ZNF121: variants seen among roughly 807,000 people sequenced by gnomAD.
The protein encoded by ZNF121 is zinc finger protein 121 (clone ZHC32).
Under a neutral mutation model 2.4 loss-of-function variants are expected in ZNF121, and 1 was observed. That is an observed-to-expected ratio of 0.41 (90% CI 0.15 to 1.94). The LOEUF is 1.94. Ranked by LOEUF, ZNF121 falls within the 30% of genes most tolerant of loss-of-function variation. The pLI is 0.30. For missense variants in ZNF121, 369 were observed against 466.3 expected, an observed-to-expected ratio of 0.79 and a Z score of 1.92; for synonymous variants, 173 against 158.6, an observed-to-expected ratio of 1.09 and a Z score of -0.68.
intron 1 of ZNF121, among the ~76,000 whole-genome samples, chr19:9,582,232 T>A (rs995280813): frequency 1.3e-5 from 2 of 152,166 alleles, no homozygotes; most frequent in African/African-American, 4.8e-5. Flanking sequence ...AGCCAAGCCA[T>A]CAGACTCCCT....
At chr19:9,578,364 A>G (rs1258499348) in intron 1 of ZNF121, among the ~76,000 whole-genome samples, 1 of 152,142 alleles carries the variant, frequency 6.6e-6, no homozygotes, top group African/African-American at 2.4e-5. Context: ...ACTGCACTCC[A>G]GCCTGGGAGA....
At chr19:9,567,729 G>T in intron 3 of ZNF121, 1 of 278,480 alleles carries the variant, frequency 3.6e-6, no homozygotes, top group Non-Finnish European at 7.4e-6. Flanking sequence ...GACAGTGACA[G>T]ATCATCAGTC....
chr19:9,560,450 C>A lies in ZNF121; in HGVS notation c.*5490G>T, dbSNP rs1035352089. Reference sequence around the variant, plus strand: ...TTTTTATACAACAAATCTCAAAAAGCTTTTCCATCTTGCGTGGCTGACACT... The same window carrying A: ...TTTTTATACAACAAATCTCAAAAAGATTTTCCATCTTGCGTGGCTGACACT... On this transcript the variant is annotated 3_prime_UTR_variant, in exon 4 of 4. Coordinates refer to ENST00000320451, the MANE Select transcript of ZNF121 (RefSeq NM_001008727.5). 6.6e-6 allele frequency: 1 copy of A among 152,134 alleles called. No individual in the cohort carries two copies. Among genetic ancestry groups the A allele is most frequent in the African/African-American group, 2.4e-5 (1 of 41,430 alleles). 9.4% of individuals were successfully genotyped at this position (152,134 alleles called of 1,614,324 possible). A position where few individuals can be genotyped will look rare whatever the true frequency, so the allele number is the denominator to read the frequency against.
chr19:9,582,909 A>G (rs2074257787), intron 1 of ZNF121, among the ~76,000 whole-genome samples: 2 of 150,618 alleles, frequency 1.3e-5, no homozygotes, highest in Admixed American at 6.6e-5. Flanking sequence ...CTAGAATAAT[A>G]TTCTGATTAT....
In ZNF121 at chr19:9,566,018, C is replaced by A; in HGVS notation, c.1095G>T (p.Glu365Asp). 1 of 1,613,506 alleles carries A rather than the reference C, an allele frequency of 6.2e-7. No individual in the cohort carries two copies. The highest frequency in any genetic ancestry group is 8.5e-7 in the Non-Finnish European group (1 of 1,179,756). ...LQKHVRIHTG[E>D]KPYICNECGK... is the part of the protein sequence containing the mutation. The stretch of plus-strand genomic sequence containing the variant: ...CACATTCGTTACATATATAGGGTTT[C>A]TCTCCAGTGTGAATTCTAACATGTT... Residue 365 changes from glutamate (E) to aspartate (D), a missense_variant, in exon 4 of 4, where the codon GAG (glutamate) becomes GAT (aspartate). Physicochemically the swap from Glu to Asp is conservative, Grantham distance 45 (BLOSUM62 2). This residue lies in a region of ZNF121 where 127 missense variants were observed against 169.9 expected (regional missense o/e 0.75). Coordinates refer to ENST00000320451, the MANE Select transcript of ZNF121 (RefSeq NM_001008727.5).
At position 9,562,920 on chromosome 19, in the gene ZNF121, G is replaced by A. The variant is rs530899530; in HGVS notation, c.*3020C>T. 10 of 146,854 alleles carry A rather than the reference G, an allele frequency of 6.8e-5. No homozygotes were observed. Among genetic ancestry groups the A allele is most frequent in the Admixed American group, 4.8e-4 (7 of 14,588 alleles). 9.1% of individuals were successfully genotyped at this position (146,854 alleles called of 1,614,324 possible). ...AAAAAAAAAAAAAAAAAAATTAGCT[G>A]GCCATGGTGGTGCACACCTGCAGTC... On this transcript the variant is annotated 3_prime_UTR_variant, in exon 4 of 4. Coordinates refer to ENST00000320451, the MANE Select transcript of ZNF121 (RefSeq NM_001008727.5).
rs114979011 is a variant in ZNF121 at position 9,581,925 on chromosome 19, T to C, written c.-160+2536A>G. 7.3e-3 allele frequency among the ~76,000 whole-genome samples: 1,106 copies of C among 152,300 alleles called. 14 individuals are homozygous for C. Among genetic ancestry groups the C allele is most frequent in the African/African-American group, 0.025 (1,045 of 41,552 alleles). Reference sequence around the variant, plus strand: ...TTACCAAGTATTTAAAGGTCAAGTATCACGTGTGCAATTATGCTCAATTTA... The same window carrying C: ...TTACCAAGTATTTAAAGGTCAAGTACCACGTGTGCAATTATGCTCAATTTA... On this transcript the variant is annotated intron_variant, in intron 1 of 3. Coordinates refer to ENST00000320451, the MANE Select transcript of ZNF121 (RefSeq NM_001008727.5).
chr19:9,573,117 T>G (rs923249480), intron 1 of ZNF121, among the ~76,000 whole-genome samples: 22 of 152,202 alleles, frequency 1.4e-4, no homozygotes, highest in African/African-American at 5.3e-4. Context: ...CAGACACAGA[T>G]GTACATCCAC....
intron 1 of ZNF121, among the ~76,000 whole-genome samples, chr19:9,581,049 G>C (rs1568216050): frequency 6.6e-6 from 1 of 152,176 alleles, no homozygotes; most frequent in South Asian, 2.1e-4. Context: ...CCCCGAGTTT[G>C]TAGGAAATCG....
chr19:9,562,354 C>T lies in ZNF121; in HGVS notation c.*3586G>A, dbSNP rs1264662347. ...TAATTTTTTGTATTTTTAGTAGAGA[C>T]GGGGTTTCACCATGGTGGCCAGGCT... On this transcript the variant is annotated 3_prime_UTR_variant, in exon 4 of 4. Coordinates refer to ENST00000320451, the MANE Select transcript of ZNF121 (RefSeq NM_001008727.5). 15 of 183,632 alleles carry T rather than the reference C, an allele frequency of 8.2e-5. No individual in the cohort carries two copies. Among genetic ancestry groups the T allele is most frequent in the Admixed American group, 3.9e-4 (7 of 17,820 alleles). The allele number at this position is 183,632 out of a possible 1,614,324, so 11.4% of individuals were successfully genotyped here.
rs1344275416 is a variant in ZNF121, at chr19:9,570,742, GA to G, written c.-159-1661del. The stretch of plus-strand genomic sequence containing the variant: ...CCACCACACTTGGCTAATTTTTTGC[GA>G]GGGGGGGGGGTATTTTTAGTACAGA... On this transcript the variant is annotated intron_variant, in intron 1 of 3. Coordinates refer to ENST00000320451, the MANE Select transcript of ZNF121 (RefSeq NM_001008727.5). Among the ~76,000 whole-genome samples, 1,004 of 101,122 alleles carry G rather than the reference GA, an allele frequency of 9.9e-3. 11 individuals are homozygous for G. The highest frequency in any genetic ancestry group is 0.047 in the African/African-American group (925 of 19,490). 66.3% of individuals were successfully genotyped at this position (101,122 alleles called of 152,430 possible). A position where few individuals can be genotyped will look rare whatever the true frequency, so the allele number is the denominator to read the frequency against.
At chr19:9,580,162 G>C (rs1233837910) in intron 1 of ZNF121, among the ~76,000 whole-genome samples, 1 of 151,882 alleles carries the variant, frequency 6.6e-6, no homozygotes. Context: ...CGTGTTGGCG[G>C]GCACCTGTAG....
At chr19:9,571,598 A>G (rs1358471937) in intron 1 of ZNF121, among the ~76,000 whole-genome samples, 1 of 152,212 alleles carries the variant, frequency 6.6e-6, no homozygotes, top group Non-Finnish European at 1.5e-5. Context: ...CCAACAATGT[A>G]TCTTCATAAC....
intron 1 of ZNF121, among the ~76,000 whole-genome samples, chr19:9,571,046 C>T (rs945529144): frequency 1.3e-5 from 2 of 152,190 alleles, no homozygotes; most frequent in African/African-American, 2.4e-5. Context: ...TGGTGGCTAA[C>T]TGATCGTGCT....
At position 9,560,621 on chromosome 19, in the gene ZNF121, C is replaced by T. The variant is rs555248278; in HGVS notation, c.*5319G>A. The T allele has an allele frequency of 6.6e-6, 1 of 152,352 alleles. No individual in the cohort carries two copies. The highest frequency in any genetic ancestry group is 2.1e-4 in the South Asian group (1 of 4,830). 9.4% of individuals were successfully genotyped at this position (152,352 alleles called of 1,614,324 possible). On this transcript the variant is annotated 3_prime_UTR_variant, in exon 4 of 4. Coordinates refer to ENST00000320451, the MANE Select transcript of ZNF121 (RefSeq NM_001008727.5). ...TTCGGAACTGGTTTATTTCACTTAGCATAACGTCCATGTTGTAGCATATGG... is the reference window on the plus strand; with the variant it reads ...TTCGGAACTGGTTTATTTCACTTAGTATAACGTCCATGTTGTAGCATATGG...
At chr19:9,583,829 G>T (rs565053688) in intron 1 of ZNF121, among the ~76,000 whole-genome samples, 1 of 152,154 alleles carries the variant, frequency 6.6e-6, no homozygotes, top group African/African-American at 2.4e-5. Flanking sequence ...AGAAAGGCTT[G>T]TAGCTGGTAA....
In ZNF121 at chr19:9,560,355, TA is replaced by T. The variant is rs1290161790; in HGVS notation, c.*5584del. ...TCTTTTATTACAATTTTTATTGTGA[TA>T]AAAACACATAAAATTTACCCTTTCA... On this transcript the variant is annotated 3_prime_UTR_variant, in exon 4 of 4. Transcript: ENST00000320451. The T allele has an allele frequency of 6.6e-6, 1 of 152,218 alleles. No homozygotes were observed. Among genetic ancestry groups the T allele is most frequent in the Non-Finnish European group, 1.5e-5 (1 of 68,028 alleles). The allele number at this position is 152,218 out of a possible 1,614,324, so 9.4% of individuals were successfully genotyped here. A position where few individuals can be genotyped will look rare whatever the true frequency, so the allele number is the denominator to read the frequency against.
At chr19:9,568,459 T>C (rs2074150460) in intron 2 of ZNF121, among the ~76,000 whole-genome samples, 1 of 151,762 alleles carries the variant, frequency 6.6e-6, no homozygotes, top group South Asian at 2.1e-4. Context: ...CACTGCAACC[T>C]CCACCTCCTG....
At chr19:9,570,624 T>C (rs1401532364) in intron 1 of ZNF121, among the ~76,000 whole-genome samples, 1 of 152,120 alleles carries the variant, frequency 6.6e-6, no homozygotes, top group Non-Finnish European at 1.5e-5. Context: ...TGGAGTGCAA[T>C]GACGCAGTCT....
Sources: gnomAD v4.1 joint callset for allele counts (sites outside exome capture counted in the v4.1 genomes callset) on GRCh38, gnomAD v4.1.1 for gene constraint, gnomAD v4.1.1 regional missense constraint, MANE v1.5 for transcripts, NCBI Gene and HGNC (gene_info 2026-07-23, HGNC 2026-07-21) for gene names.